Variants in PCDHA1 observed in about 807,000 individuals in gnomAD.
PCDHA1 encodes protocadherin alpha-1.
Under a neutral mutation model 61.3 loss-of-function variants are expected in PCDHA1, and 42 were observed. The observed-to-expected ratio is 0.69, with a 90% CI of 0.54 to 0.89. The LOEUF (loss-of-function observed/expected upper bound fraction) is 0.89. Among genes scored for constraint, PCDHA1 ranks in the 40% least tolerant of loss-of-function variants. The pLI, the probability that PCDHA1 is intolerant of heterozygous loss-of-function variation, is 0.00. For missense variants in PCDHA1, 1,256 were observed against 1,235.3 expected (o/e 1.02, Z -0.25); for synonymous variants, 610 against 553.8 (o/e 1.10, Z -1.43).
chr5:140,828,981 G>C (rs2150161571), intron 1 of PCDHA1: 1 of 1,614,120 alleles, frequency 6.2e-7, no homozygotes, highest in Admixed American at 1.7e-5. Flanking sequence ...AGCATAGATC[G>C]AAATACGGGA....
At chr5:140,835,825 A>G (rs2150245985) in intron 1 of PCDHA1, 3 of 1,612,220 alleles carry the variant, frequency 1.9e-6, no homozygotes, top group African/African-American at 1.3e-5. Context: ...TCGGCGGGGG[A>G]CGCGGACGCG....
chr5:141,001,706 C>T (rs2098033561), intron 3 of PCDHA1, among the ~76,000 whole-genome samples: 1 of 151,850 alleles, frequency 6.6e-6, no homozygotes, highest in African/African-American at 2.4e-5. Flanking sequence ...AAATAGGGGG[C>T]GGGGAAGGAG....
intron 3 of PCDHA1, among the ~76,000 whole-genome samples, chr5:140,998,363 A>G (rs568271579): frequency 6.6e-6 from 1 of 152,316 alleles, no homozygotes; most frequent in Admixed American, 6.5e-5. Flanking sequence ...TAACCACTGC[A>G]CACACCGTCT....
At chr5:140,901,311 C>T (rs1242541248) in intron 1 of PCDHA1, among the ~76,000 whole-genome samples, 3 of 152,052 alleles carry the variant, frequency 2.0e-5, no homozygotes, top group Non-Finnish European at 4.4e-5. Context: ...GGAGAGTTTC[C>T]CCAATGTTTT....
intron 1 of PCDHA1, among the ~76,000 whole-genome samples, chr5:140,950,237 A>G (rs1192417956): frequency 6.6e-6 from 1 of 151,954 alleles, no homozygotes; most frequent in African/African-American, 2.4e-5. Flanking sequence ...AGTGCCATTA[A>G]TTTGTTCCTA....
chr5:140,818,094 G>T (rs1213781361), intron 1 of PCDHA1, among the ~76,000 whole-genome samples: 1 of 151,990 alleles, frequency 6.6e-6, no homozygotes, highest in African/African-American at 2.4e-5. Flanking sequence ...TATATCTGTG[G>T]GTTGATAATA....
chr5:140,866,929 A>C (rs1189639503), intron 1 of PCDHA1: 1 of 152,160 alleles, frequency 6.6e-6, no homozygotes, highest in African/African-American at 2.4e-5. Context: ...CAAAGGGCGC[A>C]TAATCTCTTC....
At chr5:140,949,628 C>G (rs974912926) in intron 1 of PCDHA1, among the ~76,000 whole-genome samples, 18 of 151,706 alleles carry the variant, frequency 1.2e-4, no homozygotes, top group African/African-American at 4.1e-4. Context: ...GTTTTCATGG[C>G]ATATTGCTTT....
intron 1 of PCDHA1, among the ~76,000 whole-genome samples, chr5:140,961,983 A>C (rs941028423): frequency 1.3e-5 from 2 of 151,532 alleles, no homozygotes; most frequent in Non-Finnish European, 2.9e-5. Context: ...TCCTGGGTTC[A>C]CGCCATTGTC....
intron 1 of PCDHA1, chr5:140,857,730 C>T (rs782671299): frequency 6.3e-7 from 1 of 1,597,474 alleles, no homozygotes. Context: ...AACGACAACG[C>T]TCCCGCGCTG....
chr5:140,877,508 C>G (rs892674985), intron 1 of PCDHA1: 1 of 1,613,808 alleles, frequency 6.2e-7, no homozygotes, highest in Admixed American at 1.7e-5. Flanking sequence ...CCAAAGACGT[C>G]GTCGCGGGCC....
intron 3 of PCDHA1, among the ~76,000 whole-genome samples, chr5:140,987,219 A>G (rs1340141684): frequency 6.6e-6 from 1 of 151,240 alleles, no homozygotes; most frequent in African/African-American, 2.5e-5. Flanking sequence ...ATCTCAAAAA[A>G]AAAAAAAATA....
chr5:140,851,277 A>C (rs1190417685), intron 1 of PCDHA1: 1 of 1,055,236 alleles, frequency 9.5e-7, no homozygotes, highest in East Asian at 4.9e-5. Flanking sequence ...TGTATTGTTT[A>C]TAAGAAACCC....
At chr5:140,974,335 G>T (rs1481372488) in intron 1 of PCDHA1, among the ~76,000 whole-genome samples, 2 of 152,158 alleles carry the variant, frequency 1.3e-5, no homozygotes, top group African/African-American at 4.8e-5. Context: ...GTGCTAGCAG[G>T]CTATGCATCC....
Position 140,803,469 on chromosome 5 carries a change from G to T in PCDHA1, c.2394+14785G>T, listed in dbSNP as rs781860611. 1.9e-6 allele frequency: 3 copies of T among 1,613,994 alleles called. No individual in the cohort carries two copies. The East Asian group carries it at 6.7e-5, about 36-fold the overall frequency. ...ATACTCGCAGCAGAGGCAGCAGAGG[G>T]TGTGCTCTGGAGAGGGGTTGCCCAA... On this transcript the variant is annotated intron_variant, in intron 1 of 3. Transcript: ENST00000504120.
chr5:140,943,505 T>C (rs938907371), intron 1 of PCDHA1, among the ~76,000 whole-genome samples: 13 of 152,106 alleles, frequency 8.5e-5, no homozygotes, highest in Non-Finnish European at 1.8e-4. Flanking sequence ...TCAAGGTTCA[T>C]GGAAATGTTG....
intron 1 of PCDHA1, chr5:140,802,144 A>G (rs782702448): frequency 1.2e-6 from 2 of 1,614,262 alleles, no homozygotes; most frequent in African/African-American, 1.3e-5. Flanking sequence ...AGTAAGTCAT[A>G]TGAAATCCAG....
chr5:140,807,812 T>G, intron 1 of PCDHA1: 1 of 1,614,156 alleles, frequency 6.2e-7, no homozygotes, highest in African/African-American at 1.3e-5. Flanking sequence ...TCCGGAGATT[T>G]TTTTAGTGCT....
In PCDHA1 at chr5:140,788,344, G is replaced by A. The variant is rs147521602; in HGVS notation, c.2054G>A (p.Gly685Asp). The A allele has an allele frequency of 4.3e-5, 69 of 1,613,852 alleles. No homozygotes were observed. The highest frequency in any genetic ancestry group is 1.6e-4 in the Middle Eastern group (1 of 6,080). Residue 685 changes from glycine (G) to aspartate (D), a missense_variant, in exon 1 of 4, where the codon GGT becomes GAT. Coordinates refer to ENST00000504120, the MANE Select transcript of PCDHA1 (RefSeq NM_018900.4). ...APKASSRASV[G>D]VAGPEAALVD... ...AAGGCGTCTTCGCGGGCGTCGGTGG[G>A]TGTCGCGGGCCCAGAGGCGGCGCTG...
Sources: allele counts gnomAD v4.1 joint callset (sites outside exome capture counted in the v4.1 genomes callset), GRCh38; gene constraint gnomAD v4.1.1; transcripts MANE v1.5; gene names NCBI Gene and HGNC (gene_info 2026-07-23, HGNC 2026-07-21).